Variants in PEF1 observed in about 807,000 individuals in gnomAD.
PEF1 encodes penta-EF-hand domain containing 1, also known as peflin.
In PEF1, 17 loss-of-function variants were observed where a neutral mutation model predicts 32.0. The ratio of observed to expected loss-of-function variants is 0.53; its 90% CI spans 0.36 to 0.80. The LOEUF (loss-of-function observed/expected upper bound fraction) is 0.80. Ranked by LOEUF, PEF1 falls within the 30% of genes least tolerant of loss-of-function variation. The pLI is 0.00. For synonymous variants in PEF1, 130 were observed against 139.8 expected (o/e 0.93, Z 0.50); for missense variants, 362 against 369.1 (o/e 0.98, Z 0.16).
At position 31,633,208 on chromosome 1, in the gene PEF1, GA is replaced by G; in HGVS notation, c.431del (p.Val144AlafsTer15). 1 of 1,614,064 alleles carries G rather than the reference GA, an allele frequency of 6.2e-7. No individual in the cohort carries two copies. Among genetic ancestry groups the G allele is most frequent in the Non-Finnish European group, 8.5e-7 (1 of 1,180,000 alleles). On this transcript the variant is annotated frameshift_variant, in exon 3 of 5. Coordinates refer to ENST00000373703, the MANE Select transcript of PEF1 (RefSeq NM_012392.4). LOFTEE classifies it high-confidence loss of function. ...ISMKELKQAL[V>X]NCNWSSFNDE... ...CATTGAATGAAGACCAATTGCAGTT[GA>G]CCAGGGCCTGCTTTAGCTCCTTCAT...
intron 2 of PEF1, chr1:31,634,906 C>T (rs761696150): frequency 3.8e-6 from 2 of 527,566 alleles, no homozygotes; most frequent in Non-Finnish European, 3.6e-6. Flanking sequence ...ACAAAGATAA[C>T]ATATCCCAAA....
chr1:31,632,180 CCA>C (rs1640123698), intron 4 of PEF1: 2 of 584,062 alleles, frequency 3.4e-6, no homozygotes, highest in African/African-American at 3.7e-5. Flanking sequence ...GTCACCCAAG[CCA>C]CACACACTGG....
chr1:31,643,462 C>G (rs1222973344), intron 1 of PEF1, among the ~76,000 whole-genome samples: 1 of 152,200 alleles, frequency 6.6e-6, no homozygotes, highest in Non-Finnish European at 1.5e-5. Flanking sequence ...AACTCCAGCC[C>G]GCACTGGCCT....
At chr1:31,637,530 T>A (rs1230964247) in intron 1 of PEF1, among the ~76,000 whole-genome samples, 1 of 151,374 alleles carries the variant, frequency 6.6e-6, no homozygotes, top group Non-Finnish European at 1.5e-5. Context: ...ATGTAGTCCC[T>A]GCTACTCGGG....
In PEF1 at chr1:31,633,296, A is replaced by G. The variant is rs761519578; in HGVS notation, c.344T>C (p.Val115Ala). Residue 115 changes from valine (V) to alanine (A), a missense_variant, in exon 3 of 5, where the codon GTG becomes GCG. Coordinates refer to ENST00000373703, the MANE Select transcript of PEF1 (RefSeq NM_012392.4). ...GAACCAGGAGTAGGCCTCAGGATCC[A>G]CATTGGGAGGGGCGCCACCTGGAGG... is the stretch of plus-strand genomic sequence containing the variant. ...LYGQGGAPPN[V>A]DPEAYSWFQS... 6.2e-7 allele frequency: 1 copy of G among 1,612,846 alleles called. No individual in the cohort carries two copies. The highest frequency in any genetic ancestry group is 1.1e-5 in the South Asian group (1 of 90,976).
intron 1 of PEF1, among the ~76,000 whole-genome samples, chr1:31,635,798 A>G (rs1640239480): frequency 6.6e-6 from 1 of 152,178 alleles, no homozygotes; most frequent in Non-Finnish European, 1.5e-5. Context: ...CACAAGGGCT[A>G]GGATCCTGTC....
rs1308963478 is a variant in PEF1, at chr1:31,632,479, C to G, written c.625+16G>C. 1.9e-6 allele frequency: 3 copies of G among 1,614,234 alleles called. No individual in the cohort carries two copies. The highest frequency in any genetic ancestry group is 2.5e-6 in the Non-Finnish European group (3 of 1,180,040). ...TAGCTCTGTCCTGCCCATCGTGCCC[C>G]GGCCATGACCCGCACCTTGCTGCAG... On this transcript the variant is annotated intron_variant, in intron 4 of 4. Transcript: ENST00000373703.
rs1256147896 is a variant in PEF1, at chr1:31,634,785, CA to C, written c.325+436del. The C allele has an allele frequency of 6.0e-5, 27 of 450,418 alleles. 1 individual carries two copies. Among genetic ancestry groups the C allele is most frequent in the South Asian group, 3.1e-5 (2 of 63,980 alleles). The allele number at this position is 450,418 out of a possible 1,614,324, so 27.9% of individuals were successfully genotyped here. ...CCATCCTACTGATGTCAGTCTTGAT[CA>C]GGGGGTGCTCTGGCCAAAAGAATGC... On this transcript the variant is annotated intron_variant, in intron 2 of 4. Transcript: ENST00000373703.
At chr1:31,638,565 C>T (rs1411356640) in intron 1 of PEF1, among the ~76,000 whole-genome samples, 1 of 152,226 alleles carries the variant, frequency 6.6e-6, no homozygotes, top group Non-Finnish European at 1.5e-5. Context: ...TAGGAAACCA[C>T]CTATAAACCA....
Position 31,630,879 on chromosome 1 carries a change from A to T in PEF1, c.626-37T>A. The T allele has an allele frequency of 1.3e-6, 2 of 1,507,762 alleles. 1 individual carries two copies. The highest frequency in any genetic ancestry group is 1.8e-6 in the Non-Finnish European group (2 of 1,111,104). The allele number at this position is 1,507,762 out of a possible 1,614,324, so 93.4% of individuals were successfully genotyped here. On this transcript the variant is annotated intron_variant, in intron 4 of 4. Transcript: ENST00000373703. The stretch of plus-strand genomic sequence containing the variant: ...GGGCACACAGACCAGACACACAAAA[A>T]CCTGCCATGAGCACCTCCATCAATC...
rs1256547111 is a variant in PEF1 at position 31,630,727 on chromosome 1, G to T, written c.741C>A (p.Cys247Ter). ...AMQLDRFIQV[C>*]TQLQVLTEAF... ...CCTCTGTCAGCACCTGCAGCTGGGT[G>T]CACACCTGGATGAAGCGGTCAAGCT... Residue 247 changes from cysteine to a stop codon, truncating the protein, a stop_gained, in exon 5 of 5, where the codon TGC becomes TGA. Coordinates refer to ENST00000373703, the MANE Select transcript of PEF1 (RefSeq NM_012392.4). LOFTEE classifies it high-confidence loss of function. The T allele has an allele frequency of 1.2e-6, 2 of 1,614,014 alleles. No individual in the cohort carries two copies. The highest frequency in any genetic ancestry group is 1.7e-6 in the Non-Finnish European group (2 of 1,180,042).
intron 1 of PEF1, among the ~76,000 whole-genome samples, chr1:31,637,134 G>T (rs539348043): frequency 8.7e-5 from 13 of 149,230 alleles, no homozygotes; most frequent in African/African-American, 3.2e-4. Flanking sequence ...AATTCATGAG[G>T]TTTTTTTGTG....
chr1:31,644,647 C>A, intron 1 of PEF1, 194 bp downstream of exon 1: 1 of 1,442,552 alleles, frequency 6.9e-7, no homozygotes, highest in African/African-American at 1.4e-5. Context: ...CACGACCTCG[C>A]GAATGTGCGG....
In PEF1 at chr1:31,632,484, A is replaced by G. The variant is rs1254137089; in HGVS notation, c.625+11T>C. On this transcript the variant is annotated intron_variant, in intron 4 of 4. Coordinates refer to ENST00000373703, the MANE Select transcript of PEF1 (RefSeq NM_012392.4). ...CTGTCCTGCCCATCGTGCCCCGGCC[A>G]TGACCCGCACCTTGCTGCAGCTCTG... 4 of 1,614,128 alleles carry G rather than the reference A, an allele frequency of 2.5e-6. No homozygotes were observed. The highest frequency in any genetic ancestry group is 3.4e-6 in the Non-Finnish European group (4 of 1,180,052).
chr1:31,636,081 C>T (rs1640245857), intron 1 of PEF1, among the ~76,000 whole-genome samples: 2 of 152,180 alleles, frequency 1.3e-5, no homozygotes, highest in South Asian at 4.1e-4. Flanking sequence ...TCACTCACAA[C>T]TCTGTGAGGC....
At chr1:31,631,052 C>T (rs1640087060) in intron 4 of PEF1, among the ~76,000 whole-genome samples, 1 of 152,232 alleles carries the variant, frequency 6.6e-6, no homozygotes, top group African/African-American at 2.4e-5. Context: ...GGAAGGCCCT[C>T]ATCCCTCTTT....
chr1:31,634,079 T>C (rs1165767288), intron 2 of PEF1, among the ~76,000 whole-genome samples: 1 of 152,084 alleles, frequency 6.6e-6, no homozygotes, highest in Non-Finnish European at 1.5e-5. Context: ...CCATGGGCAG[T>C]TGTGGAGGAC....
chr1:31,632,631 A>C lies in PEF1; in HGVS notation c.489T>G (p.Phe163Leu). ...DETCLMMINM[F>L]DKTKSGRIDV... ...CGATGCGGCCTGACTTGGTCTTGTC[A>C]AACATGTCTGAAGGTGAGGAGGGAA... The change falls in exon 4 of 5, where the codon TTT (phenylalanine) becomes TTG (leucine). Residue 163 changes from phenylalanine to leucine, a missense_variant. Physicochemically the swap from Phe to Leu is conservative, Grantham distance 22 (BLOSUM62 0). Coordinates refer to ENST00000373703, the MANE Select transcript of PEF1 (RefSeq NM_012392.4). The C allele has an allele frequency of 6.2e-7, 1 of 1,613,836 alleles. No individual in the cohort carries two copies. Among genetic ancestry groups the C allele is most frequent in the African/African-American group, 1.3e-5 (1 of 75,034 alleles).
rs1438214853 is a variant in PEF1 at position 31,630,778 on chromosome 1, G to A, written c.690C>T (p.Cys230=). 2 of 1,613,720 alleles carry A rather than the reference G, an allele frequency of 1.2e-6. No individual in the cohort carries two copies. The highest frequency in any genetic ancestry group is 1.7e-6 in the Non-Finnish European group (2 of 1,180,046). ...QFTQLLVSRY[C]PRSANPAMQL... ...GCATGGCAGGATTGGCAGAGCGTGG[G>A]CAGTAGCGGGAGACCAGAAGCTGGG... is the stretch of plus-strand genomic sequence containing the variant. Residue 230 remains cysteine (C), a synonymous_variant, in exon 5 of 5, where the codon TGC becomes TGT. Coordinates refer to ENST00000373703, the MANE Select transcript of PEF1 (RefSeq NM_012392.4).
Sources: gnomAD v4.1 joint callset for allele counts (sites outside exome capture counted in the v4.1 genomes callset) on GRCh38, gnomAD v4.1.1 for gene constraint, MANE v1.5 for transcripts, NCBI Gene and HGNC (gene_info 2026-07-23, HGNC 2026-07-21) for gene names.